The following VAT1L variants were observed in gnomAD, a reference collection of about 807,000 sequenced individuals.
The protein encoded by VAT1L is putative NADPH-dependent quinone oxidoreductase VAT1L.
In VAT1L, 34 loss-of-function variants were observed where a neutral mutation model predicts 44.1. The ratio of observed to expected loss-of-function variants is 0.77; its 90% CI spans 0.59 to 1.03. The LOEUF is 1.03. Ranked by LOEUF, VAT1L falls within the 50% of genes least tolerant of loss-of-function variation. VAT1L has a pLI of 0.00. For missense variants in VAT1L, 615 were observed against 538.8 expected, an observed-to-expected ratio of 1.14 and a Z score of -1.40; for synonymous variants, 253 against 202.2, an observed-to-expected ratio of 1.25 and a Z score of -2.13.
chr16:77,870,384 C>T (rs1001842106), intron 4 of VAT1L, among the ~76,000 whole-genome samples: 2 of 152,184 alleles, frequency 1.3e-5, no homozygotes, highest in African/African-American at 4.8e-5. Flanking sequence ...AGTGGAGAGC[C>T]AAAGACCCAG....
intron 1 of VAT1L, among the ~76,000 whole-genome samples, chr16:77,808,688 C>G (rs185024492): frequency 1.3e-5 from 2 of 152,050 alleles, no homozygotes; most frequent in African/African-American, 2.4e-5. Context: ...CTCCACCTAC[C>G]GGGTTCAAGC....
At chr16:77,805,833 A>G (rs2145220837) in intron 1 of VAT1L, among the ~76,000 whole-genome samples, 1 of 122,988 alleles carries the variant, frequency 8.1e-6, no homozygotes, top group Non-Finnish European at 1.8e-5. Context: ...TCTGCTTGTT[A>G]CTTTTTGTGT....
intron 7 of VAT1L, among the ~76,000 whole-genome samples, chr16:77,967,027 G>C (rs767668007): frequency 6.7e-6 from 1 of 150,002 alleles, no homozygotes; most frequent in Non-Finnish European, 1.5e-5. Flanking sequence ...GGAGCCCATC[G>C]AGCCCATCAC....
intron 3 of VAT1L, among the ~76,000 whole-genome samples, chr16:77,860,771 C>A (rs1172352670): frequency 6.6e-6 from 1 of 152,178 alleles, no homozygotes; most frequent in Non-Finnish European, 1.5e-5. Context: ...CAATGCTATT[C>A]TTAGGACAGA....
intron 3 of VAT1L, among the ~76,000 whole-genome samples, chr16:77,846,004 T>C (rs1227189529): frequency 6.6e-6 from 1 of 152,196 alleles, no homozygotes; most frequent in East Asian, 1.9e-4. Context: ...AGGGGTCTTC[T>C]TGAAATCAGA....
intron 7 of VAT1L, among the ~76,000 whole-genome samples, chr16:77,957,814 T>G (rs1430489777): frequency 6.6e-6 from 1 of 150,820 alleles, no homozygotes. Context: ...TAATTATAGT[T>G]CTACCATTCT....
intron 2 of VAT1L, among the ~76,000 whole-genome samples, chr16:77,819,859 C>T (rs908521263): frequency 6.6e-6 from 1 of 152,218 alleles, no homozygotes; most frequent in Non-Finnish European, 1.5e-5. Context: ...CTGTGAATTC[C>T]ATCAGGTCAG....
chr16:77,946,033 C>T (rs1180699691), intron 7 of VAT1L, among the ~76,000 whole-genome samples: 3 of 151,872 alleles, frequency 2.0e-5, no homozygotes, highest in African/African-American at 7.3e-5. Flanking sequence ...AACTGCTGAC[C>T]GCATGATCTG....
chr16:77,802,384 A>AGG lies in VAT1L; in HGVS notation c.233+13474_233+13475dup, dbSNP rs369904380. On this transcript the variant is annotated intron_variant, in intron 1 of 8. Coordinates refer to ENST00000302536, the MANE Select transcript of VAT1L (RefSeq NM_020927.3). The stretch of plus-strand genomic sequence containing the variant: ...GTAATCCCAGCACTTTGGGAGGGCA[A>AGG]GGGGGGTGGAGCACAAGGTCAGGAG... Among the ~76,000 whole-genome samples the AGG allele has an allele frequency of 6.6e-5, 10 of 152,184 alleles. 1 individual carries two copies. The highest frequency in any genetic ancestry group is 2.2e-4 in the African/African-American group (9 of 41,528).
intron 1 of VAT1L, among the ~76,000 whole-genome samples, chr16:77,790,832 T>G (rs949233651): frequency 1.3e-5 from 2 of 152,176 alleles, no homozygotes; most frequent in African/African-American, 2.4e-5. Context: ...TTATGTTAAC[T>G]GCATAATTGC....
intron 3 of VAT1L, among the ~76,000 whole-genome samples, chr16:77,829,417 A>T (rs989326574): frequency 5.9e-5 from 9 of 152,242 alleles, no homozygotes; most frequent in African/African-American, 1.7e-4. Context: ...TGCAGACAGC[A>T]TGTGAGGAAT....
At chr16:77,959,226 A>G (rs1368514016) in intron 7 of VAT1L, among the ~76,000 whole-genome samples, 3 of 152,126 alleles carry the variant, frequency 2.0e-5, no homozygotes, top group South Asian at 4.1e-4. Flanking sequence ...CTACCCTTCC[A>G]GTCGATTAAT....
At chr16:77,873,239 C>T (rs924494816) in intron 4 of VAT1L, among the ~76,000 whole-genome samples, 2 of 152,196 alleles carry the variant, frequency 1.3e-5, no homozygotes, top group African/African-American at 4.8e-5. Context: ...TGAATTCCAG[C>T]TGTGCTAGTT....
At chr16:77,892,067 G>A (rs1047019517) in intron 7 of VAT1L, among the ~76,000 whole-genome samples, 76 of 152,254 alleles carry the variant, frequency 5.0e-4, no homozygotes, top group Non-Finnish European at 3.1e-4. Context: ...ACAAGACTCC[G>A]TCTCAAAGAA....
At chr16:77,876,542 C>G (rs1277724310) in intron 5 of VAT1L, 69 bp downstream of exon 5, 2 of 1,405,166 alleles carry the variant, frequency 1.4e-6, no homozygotes, top group African/African-American at 1.4e-5. Flanking sequence ...TGCAAAGGCT[C>G]TGAAAAGTGA....
intron 1 of VAT1L, among the ~76,000 whole-genome samples, chr16:77,813,640 T>G (rs2016303973): frequency 6.6e-6 from 1 of 152,200 alleles, no homozygotes; most frequent in Non-Finnish European, 1.5e-5. Flanking sequence ...AGCTATTGGC[T>G]TTTCCACGTA....
intron 3 of VAT1L, among the ~76,000 whole-genome samples, chr16:77,831,668 C>A (rs2016579894): frequency 6.6e-6 from 1 of 152,044 alleles, no homozygotes; most frequent in African/African-American, 2.4e-5. Flanking sequence ...TGAGAAGAGA[C>A]AAAGGAGCTA....
chr16:77,977,655 G>C lies in VAT1L; in HGVS notation c.1220G>C (p.Gly407Ala), dbSNP rs748614576. 1.2e-6 allele frequency: 2 copies of C among 1,613,980 alleles called. No individual in the cohort carries two copies. Among genetic ancestry groups the C allele is most frequent in the African/African-American group, 1.3e-5 (1 of 74,918 alleles). Residue 407 changes from glycine to alanine, a missense_variant, in exon 9 of 9, where the codon GGA (glycine) becomes GCA (alanine). Physicochemically the swap from Gly to Ala is moderately conservative, Grantham distance 60. Transcript: ENST00000302536. ...EAGEEEEDHE[G>A]DSENKERMPF... ...GGGGAAGAGGAGGAGGACCACGAGG[G>C]AGACAGCGAGAACAAGGAGCGGATG...
At chr16:77,896,765 A>C (rs2017329189) in intron 7 of VAT1L, among the ~76,000 whole-genome samples, 1 of 152,112 alleles carries the variant, frequency 6.6e-6, no homozygotes, top group African/African-American at 2.4e-5. Context: ...ACAGCTCAGC[A>C]CTCCTTGTTA....
Sources: allele counts gnomAD v4.1 joint callset (sites outside exome capture counted in the v4.1 genomes callset), GRCh38; gene constraint gnomAD v4.1.1; transcripts MANE v1.5; gene names NCBI Gene and HGNC (gene_info 2026-07-23, HGNC 2026-07-21).